Variants in STARD13 observed in about 807,000 individuals in gnomAD.
The protein encoded by STARD13 is StAR related lipid transfer domain containing 13.
Under a neutral mutation model 106.4 loss-of-function variants are expected in STARD13, and 62 were observed. The ratio of observed to expected loss-of-function variants is 0.58; its 90% CI spans 0.48 to 0.72. STARD13 has a LOEUF of 0.72. STARD13 is among the 30% of genes least tolerant of loss of function. STARD13 has a pLI of 0.00. For missense variants in STARD13, 1,387 were observed against 1,424.0 expected (o/e 0.97, Z 0.42); for synonymous variants, 565 against 553.0 (o/e 1.02, Z -0.31).
the STARD13 span, among the ~76,000 whole-genome samples, chr13:33,484,484 C>T: frequency 6.6e-6 from 1 of 152,104 alleles, no homozygotes; most frequent in Non-Finnish European, 1.5e-5. Flanking sequence ...TGACTCATGA[C>T]TCAACTGGTC....
At chr13:33,115,236 A>G (rs1457596423) in intron 8 of STARD13, among the ~76,000 whole-genome samples, 1 of 152,240 alleles carries the variant, frequency 6.6e-6, no homozygotes, top group Admixed American at 6.5e-5. Flanking sequence ...AGCTGAAAAC[A>G]GAACTTCTCT....
the STARD13 span, among the ~76,000 whole-genome samples, chr13:33,420,676 T>C: frequency 1.3e-5 from 2 of 152,352 alleles, no homozygotes; most frequent in Admixed American, 6.5e-5. Flanking sequence ...ACATCACACT[T>C]ATTATAAAAT....
At chr13:33,310,844 C>T (rs1336390910) in intron 1 of STARD13, among the ~76,000 whole-genome samples, 6 of 151,918 alleles carry the variant, frequency 3.9e-5, no homozygotes, top group Admixed American at 3.9e-4. Context: ...ATGGTAGAAC[C>T]TATGACACAC....
intron 1 of STARD13, among the ~76,000 whole-genome samples, chr13:33,349,996 CGCCCGGGGGCA>C (rs60973043): frequency 0.18 from 27,206 of 152,106 alleles, 3,089 homozygotes; most frequent in Admixed American, 0.25. Context: ...GCTAAAAGGC[CGCCCGGGGGCA>C]GCCCCTCCAG....
intron 1 of STARD13, among the ~76,000 whole-genome samples, chr13:33,191,721 C>T (rs1179758104): frequency 1.3e-5 from 2 of 152,186 alleles, no homozygotes; most frequent in Non-Finnish European, 2.9e-5. Context: ...GCTAAACATC[C>T]AAGACCACAG....
chr13:33,273,152 T>C (rs1337752660), intron 1 of STARD13, among the ~76,000 whole-genome samples: 1 of 152,210 alleles, frequency 6.6e-6, no homozygotes, highest in Non-Finnish European at 1.5e-5. Flanking sequence ...AACTTGTCTA[T>C]GCATTTTTCA....
intron 10 of STARD13, among the ~76,000 whole-genome samples, chr13:33,111,333 A>G (rs777128273): frequency 1.3e-5 from 2 of 152,218 alleles, no homozygotes; most frequent in Admixed American, 6.5e-5. Context: ...ACAAATGCCA[A>G]TTCTATCACA....
At chr13:33,467,428 A>G in the STARD13 span, among the ~76,000 whole-genome samples, 12 of 152,260 alleles carry the variant, frequency 7.9e-5, no homozygotes, top group African/African-American at 2.9e-4. Context: ...GTGGCTGTAA[A>G]TACAGATGAA....
intron 1 of STARD13, among the ~76,000 whole-genome samples, chr13:33,205,379 T>C (rs1887344191): frequency 6.6e-6 from 1 of 152,214 alleles, no homozygotes; most frequent in African/African-American, 2.4e-5. Context: ...TTAAGTAACG[T>C]AGCCCATGGA....
the STARD13 span, among the ~76,000 whole-genome samples, chr13:33,561,755 C>T: frequency 6.8e-6 from 1 of 146,704 alleles, no homozygotes; most frequent in Non-Finnish European, 1.5e-5. Context: ...ACACTTAGTA[C>T]AGCACAGAGA....
At chr13:33,384,489 G>A in the STARD13 span, among the ~76,000 whole-genome samples, 4,511 of 152,140 alleles carry the variant, frequency 0.03, 79 homozygotes, top group Middle Eastern at 0.044. Context: ...TTTGAATCAC[G>A]TCATTTAATA....
At chr13:33,250,988 T>C (rs919205059) in intron 1 of STARD13, among the ~76,000 whole-genome samples, 2 of 151,510 alleles carry the variant, frequency 1.3e-5, no homozygotes, top group African/African-American at 4.9e-5. Context: ...AGGGGAGAAA[T>C]GGGAATAGGA....
At chr13:33,576,981 C>T in the STARD13 span, among the ~76,000 whole-genome samples, 2 of 152,114 alleles carry the variant, frequency 1.3e-5, no homozygotes, top group African/African-American at 4.8e-5. Flanking sequence ...TAAAAAACTC[C>T]CTTAAAGTTT....
rs1180182168 is a variant in STARD13, at chr13:33,103,913, T to C, written c.*1680A>G. ...AAAGGTAAATTATGGATTTACTGCT[T>C]CCTTCTTAGGTAGATATGGGAATGA... On this transcript the variant is annotated 3_prime_UTR_variant, in exon 14 of 14. Coordinates refer to ENST00000336934, the MANE Select transcript of STARD13 (RefSeq NM_178006.4). 6.6e-6 allele frequency: 1 copy of C among 152,208 alleles called. No homozygotes were observed. Among genetic ancestry groups the C allele is most frequent in the Admixed American group, 6.5e-5 (1 of 15,288 alleles). The allele number at this position is 152,208 out of a possible 1,614,324, so 9.4% of individuals were successfully genotyped here.
At chr13:33,600,150 C>G in the STARD13 span, among the ~76,000 whole-genome samples, 1 of 152,134 alleles carries the variant, frequency 6.6e-6, no homozygotes, top group African/African-American at 2.4e-5. Context: ...TAATCATACA[C>G]ATCTAGAATG....
the STARD13 span, among the ~76,000 whole-genome samples, chr13:33,387,632 AT>A: frequency 6.6e-6 from 1 of 152,188 alleles, no homozygotes; most frequent in Non-Finnish European, 1.5e-5. Flanking sequence ...TATAAGGTTT[AT>A]TGGGGAATTT....
the STARD13 span, among the ~76,000 whole-genome samples, chr13:33,532,294 A>C: frequency 1.2e-4 from 18 of 152,336 alleles, no homozygotes; most frequent in African/African-American, 3.6e-4. Flanking sequence ...AATGAAAAAA[A>C]CTGAAGTTTA....
chr13:33,157,925 T>C (rs762755810), intron 3 of STARD13, among the ~76,000 whole-genome samples: 15 of 152,206 alleles, frequency 9.9e-5, no homozygotes, highest in Non-Finnish European at 1.8e-4. Flanking sequence ...GTACTTAGAT[T>C]TCCAAGTAGC....
chr13:33,302,541 C>T (rs1017154610), intron 1 of STARD13, among the ~76,000 whole-genome samples: 1 of 152,096 alleles, frequency 6.6e-6, no homozygotes, highest in Non-Finnish European at 1.5e-5. Flanking sequence ...TTCAGCCTCC[C>T]AAGTAGCTGG....
Sources: gnomAD v4.1 joint callset for allele counts (sites outside exome capture counted in the v4.1 genomes callset) on GRCh38, gnomAD v4.1.1 for gene constraint, MANE v1.5 for transcripts, NCBI Gene and HGNC (gene_info 2026-07-23, HGNC 2026-07-21) for gene names.